Variants in SPOCK1 observed in about 807,000 individuals in gnomAD.
SPOCK1 encodes the protein testican-1.
SPOCK1 carries 23 observed loss-of-function variants against 55.3 expected under a neutral mutation model. The ratio of observed to expected loss-of-function variants is 0.42; its 90% CI spans 0.30 to 0.59. The LOEUF (loss-of-function observed/expected upper bound fraction) is 0.59. Among genes scored for constraint, SPOCK1 ranks in the 20% least tolerant of loss-of-function variants. SPOCK1 has a pLI of 0.22. For synonymous variants in SPOCK1, 226 were observed against 221.0 expected (o/e 1.02, Z -0.20); for missense variants, 499 against 552.5 (o/e 0.90, Z 0.97).
At chr5:137,478,668 A>G (rs1392735814) in intron 2 of SPOCK1, among the ~76,000 whole-genome samples, 1 of 152,164 alleles carries the variant, frequency 6.6e-6, no homozygotes, top group Non-Finnish European at 1.5e-5. Flanking sequence ...ATTGGTATAT[A>G]TTAGTAAGAT....
At chr5:137,327,191 G>A (rs1286348643) in intron 2 of SPOCK1, among the ~76,000 whole-genome samples, 1 of 152,146 alleles carries the variant, frequency 6.6e-6, no homozygotes, top group Non-Finnish European at 1.5e-5. Flanking sequence ...CAGCAGGAGT[G>A]TCTGCTGCAC....
Position 136,978,832 on chromosome 5 carries a change from T to C in SPOCK1, c.1142A>G (p.Glu381Gly), listed in dbSNP as rs745368617. The change falls in exon 11 of 11, where the codon GAA becomes GGA. Residue 381 changes from glutamate to glycine, a missense_variant. Around this residue, in one of 3 missense-constraint regions of SPOCK1, gnomAD observed 83 missense variants for 87.5 expected, o/e 0.95. Transcript: ENST00000394945. ...ACCACTGCCAAAATCCCCTGAGGTT[T>C]CCTGCTCCTCTTCTGAAAGATTAAA... is the stretch of plus-strand genomic sequence containing the variant. ...QGAVSCEEEQ[E>G]TSGDFGSGGS... 1 of 1,610,046 alleles carries C rather than the reference T, an allele frequency of 6.2e-7. No individual in the cohort carries two copies. The highest frequency in any genetic ancestry group is 1.1e-5 in the South Asian group (1 of 90,308).
chr5:137,054,187 G>A (rs1933572743), intron 6 of SPOCK1, among the ~76,000 whole-genome samples: 1 of 152,128 alleles, frequency 6.6e-6, no homozygotes, highest in Non-Finnish European at 1.5e-5. Context: ...AACCTCACAA[G>A]ATAGGCCTAT....
chr5:137,306,699 A>T (rs1757705672), intron 2 of SPOCK1, among the ~76,000 whole-genome samples: 1 of 123,206 alleles, frequency 8.1e-6, no homozygotes, highest in Non-Finnish European at 1.8e-5. Flanking sequence ...TCACAATGTA[A>T]ATCTGTTTTC....
chr5:137,162,344 A>G (rs1821473), intron 3 of SPOCK1, among the ~76,000 whole-genome samples: 136,216 of 151,884 alleles, frequency 0.9, 61,158 homozygotes, highest in African/African-American at 0.93. Flanking sequence ...TCACCATGTT[A>G]GCCAAGCTGG....
intron 3 of SPOCK1, among the ~76,000 whole-genome samples, chr5:137,251,841 C>T (rs1756536558): frequency 6.6e-6 from 1 of 152,226 alleles, no homozygotes; most frequent in African/African-American, 2.4e-5. Context: ...GGTACTGATT[C>T]AGGTATTTTA....
At chr5:137,112,277 T>C (rs1293645198) in intron 5 of SPOCK1, among the ~76,000 whole-genome samples, 158 bp downstream of exon 5, 2 of 152,184 alleles carry the variant, frequency 1.3e-5, no homozygotes, top group Admixed American at 6.5e-5. Flanking sequence ...CTTGTCTCCA[T>C]GGCCAGAGAA....
chr5:137,376,118 C>G (rs1751308566), intron 2 of SPOCK1, among the ~76,000 whole-genome samples: 2 of 152,212 alleles, frequency 1.3e-5, no homozygotes, highest in Non-Finnish European at 2.9e-5. Context: ...TTTCACCACA[C>G]AGTAGACAAC....
At position 137,268,278 on chromosome 5, in the gene SPOCK1, C is replaced by A. The variant is rs150047447; in HGVS notation, c.187-1223G>T. On this transcript the variant is annotated intron_variant, in intron 2 of 10. Transcript: ENST00000394945. ...GTTTCTTGGCCAGTGATTCCATCTTCCAAGGCATTAGGAAATAAACAGCTT... is the reference window on the plus strand; with the variant it reads ...GTTTCTTGGCCAGTGATTCCATCTTACAAGGCATTAGGAAATAAACAGCTT... Among the ~76,000 whole-genome samples, 371 of 152,268 alleles carry A rather than the reference C, an allele frequency of 2.4e-3. 3 individuals carry two copies. Among genetic ancestry groups the A allele is most frequent in the African/African-American group, 8.5e-3 (352 of 41,556 alleles).
At chr5:137,326,687 T>G (rs1651675944) in intron 2 of SPOCK1, among the ~76,000 whole-genome samples, 1 of 152,240 alleles carries the variant, frequency 6.6e-6, no homozygotes, top group African/African-American at 2.4e-5. Context: ...AATTAGAATG[T>G]GCCAAGATCT....
chr5:137,143,114 G>T (rs1055942784), intron 3 of SPOCK1, among the ~76,000 whole-genome samples: 11 of 152,094 alleles, frequency 7.2e-5, no homozygotes, highest in African/African-American at 1.9e-4. Context: ...GAAACCTGGG[G>T]ACTAGACCAC....
At chr5:137,259,593 C>A (rs770094921) in intron 3 of SPOCK1, among the ~76,000 whole-genome samples, 2 of 149,928 alleles carry the variant, frequency 1.3e-5, no homozygotes, top group Admixed American at 1.3e-4. Context: ...ACCTATGTAA[C>A]AACCCTGCAC....
chr5:137,454,323 G>T (rs929267983), intron 2 of SPOCK1, among the ~76,000 whole-genome samples: 1 of 152,136 alleles, frequency 6.6e-6, no homozygotes, highest in Non-Finnish European at 1.5e-5. Flanking sequence ...TAAGTCAACT[G>T]CAAGGATCTC....
intron 7 of SPOCK1, 92 bp downstream of exon 7, chr5:136,992,392 T>C (rs897678719): frequency 6.3e-6 from 6 of 948,108 alleles, no homozygotes; most frequent in African/African-American, 5.0e-5. Flanking sequence ...ATATATTTAA[T>C]GTAATGGGTG....
At chr5:137,201,288 A>G (rs572915555) in intron 3 of SPOCK1, among the ~76,000 whole-genome samples, 109 of 152,348 alleles carry the variant, frequency 7.2e-4, no homozygotes, top group African/African-American at 2.1e-3. Context: ...AACAGTCCTA[A>G]TAAGATTACA....
chr5:137,161,037 AT>A (rs1459258346), intron 3 of SPOCK1, among the ~76,000 whole-genome samples: 28 of 146,562 alleles, frequency 1.9e-4, no homozygotes, highest in East Asian at 5.9e-4. Context: ...TATTACATAT[AT>A]TTTATATATA....
chr5:137,140,766 T>TC, intron 3 of SPOCK1, 72 bp from the exon 4 acceptor site: 1 of 1,115,638 alleles, frequency 9.0e-7, no homozygotes, highest in South Asian at 1.8e-5. Context: ...TTTTTTTTTT[T>TC]TTTTTTTGTT....
intron 2 of SPOCK1, among the ~76,000 whole-genome samples, chr5:137,316,686 CT>C (rs1757885501): frequency 6.6e-6 from 1 of 152,202 alleles, no homozygotes; most frequent in Non-Finnish European, 1.5e-5. Context: ...ATTCTAACTA[CT>C]TTTTTCCTTG....
intron 2 of SPOCK1, among the ~76,000 whole-genome samples, chr5:137,421,109 G>C (rs912573055): frequency 2.7e-4 from 41 of 152,198 alleles, no homozygotes; most frequent in African/African-American, 9.7e-4. Context: ...GAGCGGTTTT[G>C]AGTGAGTTTC....
Sources: gnomAD v4.1 joint callset for allele counts (sites outside exome capture counted in the v4.1 genomes callset) on GRCh38, gnomAD v4.1.1 for gene constraint, gnomAD v4.1.1 regional missense constraint, MANE v1.5 for transcripts, NCBI Gene and HGNC (gene_info 2026-07-23, HGNC 2026-07-21) for gene names.